Variants in VAX1 observed in about 807,000 individuals in gnomAD.
The protein encoded by VAX1 is ventral anterior homeobox 1.
VAX1 carries 6 observed loss-of-function variants against 17.6 expected under a neutral mutation model. The observed-to-expected ratio is 0.34, with a 90% confidence interval of 0.19 to 0.67. The LOEUF is 0.67. VAX1 is among the 30% of genes least tolerant of loss of function. VAX1 has a pLI of 0.69. For missense variants in VAX1, 408 were observed against 463.7 expected (o/e 0.88, Z 1.10); for synonymous variants, 256 against 227.4 (o/e 1.13, Z -1.13).
At position 117,137,325 on chromosome 10, in the gene VAX1, C is replaced by G. The variant is rs1854198322; in HGVS notation, c.241+491G>C. On this transcript the variant is annotated intron_variant, in intron 1 of 2. Transcript: ENST00000369206. This position sits in a 1 kb window ranked among gnomAD's most constrained non-coding sequence, Gnocchi z 7.4. ...TCTCCCGGCGGCAGCGGTCGGGCACCGATCGCGGCCGTGGGGTCCTCGGCC... is the reference window on the plus strand; with the variant it reads ...TCTCCCGGCGGCAGCGGTCGGGCACGGATCGCGGCCGTGGGGTCCTCGGCC... 6.6e-6 allele frequency among the ~76,000 whole-genome samples: 1 copy of G among 151,854 alleles called. No individual in the cohort carries two copies. Among genetic ancestry groups the G allele is most frequent in the Non-Finnish European group, 1.5e-5 (1 of 67,930 alleles).
chr10:117,134,091 C>T lies in VAX1; in HGVS notation c.922G>A (p.Ala308Thr), dbSNP rs1487773914. The change falls in exon 3 of 3, where the codon GCC becomes ACC. Residue 308 changes from alanine to threonine, a missense_variant. By Grantham distance (58) the Ala-to-Thr change is moderately conservative (BLOSUM62 0). This residue lies in a region of VAX1 where 196 missense variants were observed against 218.7 expected (regional missense o/e 0.90). Coordinates refer to ENST00000369206, the MANE Select transcript of VAX1 (RefSeq NM_001112704.2). This position sits in a 1 kb window ranked among gnomAD's most constrained non-coding sequence, Gnocchi z 6.2. ...SLAGNLQELSARYLSSSAFEP... is the reference protein window; with the variant it reads ...SLAGNLQELSTRYLSSSAFEP... The stretch of plus-strand genomic sequence containing the variant: ...AAGGCCGAGGAGCTCAGATATCGGG[C>T]GGAGAGTTCTTGCAAATTCCCAGCT... 6.5e-7 allele frequency: 1 copy of T among 1,536,284 alleles called. No individual in the cohort carries two copies. Among genetic ancestry groups the T allele is most frequent in the Non-Finnish European group, 8.8e-7 (1 of 1,140,536 alleles).
At position 117,138,062 on chromosome 10, in the gene VAX1, AG is replaced by A. The variant is rs1166685410; in HGVS notation, c.-7del. ...TTGTCTGGTTTCCCGAACATAGGCA[AG>A]AACAACAACAAAAACAGAAAGGAAA... On this transcript the variant is annotated 5_prime_UTR_variant, in exon 1 of 3. Transcript: ENST00000369206. 2 of 1,369,512 alleles carry A rather than the reference AG, an allele frequency of 1.5e-6. No individual in the cohort carries two copies. Among genetic ancestry groups the A allele is most frequent in the African/African-American group, 3.0e-5 (2 of 65,756 alleles). The allele number at this position is 1,369,512 out of a possible 1,614,324, so 84.8% of individuals were successfully genotyped here.
chr10:117,132,619 G>T, downstream of VAX1: 1 of 992,704 alleles, frequency 1.0e-6, no homozygotes, highest in Non-Finnish European at 1.5e-6. The surrounding 1 kb of genome is among the most constrained non-coding windows in gnomAD (Gnocchi z 4.9). Context: ...CTCGCAGTCT[G>T]GGTCTGTGAT....
chr10:117,132,605 G>A (rs761720635), downstream of VAX1: 13 of 1,067,972 alleles, frequency 1.2e-5, no homozygotes, highest in Non-Finnish European at 1.6e-5. The surrounding 1 kb of genome is among the most constrained non-coding windows in gnomAD (Gnocchi z 4.9). Context: ...AGACACTGCG[G>A]CACCTCGCAG....
Position 117,138,173 on chromosome 10 carries a change from G to A in VAX1, c.-117C>T. 3.5e-6 allele frequency: 4 copies of A among 1,134,278 alleles called. No homozygotes were observed. The highest frequency in any genetic ancestry group is 4.8e-6 in the Non-Finnish European group (4 of 824,828). The allele number at this position is 1,134,278 out of a possible 1,614,324, so 70.3% of individuals were successfully genotyped here. A position where few individuals can be genotyped will look rare whatever the true frequency, so the allele number is the denominator to read the frequency against. ...AGGGGACAAAACCCCCGACAACGCG[G>A]CCCGTACGCCCGGCCCGGCGACAGG... is the stretch of plus-strand genomic sequence containing the variant. On this transcript the variant is annotated 5_prime_UTR_variant, in exon 1 of 3. Coordinates refer to ENST00000369206, the MANE Select transcript of VAX1 (RefSeq NM_001112704.2).
Position 117,138,109 on chromosome 10 carries a change from A to AGGG in VAX1, c.-54_-53insCCC. On this transcript the variant is annotated 5_prime_UTR_variant, in exon 1 of 3. Coordinates refer to ENST00000369206, the MANE Select transcript of VAX1 (RefSeq NM_001112704.2). ...GGAAAAAAAAAGCAAAAAAAAAAAA[A>AGGG]AGGGGGGGGGGCGGAGAAGGAAAAA... 5.8e-6 allele frequency: 1 copy of AGGG among 171,026 alleles called. No homozygotes were observed. 10.6% of individuals were successfully genotyped at this position (171,026 alleles called of 1,614,324 possible).
At chr10:117,132,614 A>G (rs924121029), downstream of VAX1, 2 of 1,020,660 alleles carry the variant, frequency 2.0e-6, no homozygotes, top group African/African-American at 1.6e-5. This position sits in a 1 kb window ranked among gnomAD's most constrained non-coding sequence, Gnocchi z 4.9. Context: ...GGCACCTCGC[A>G]GTCTGGGTCT....
In VAX1 at chr10:117,137,878, C is replaced by T; in HGVS notation, c.179G>A (p.Cys60Tyr). The change falls in exon 1 of 3, where the codon TGT (cysteine) becomes TAT (tyrosine). Residue 60 changes from cysteine to tyrosine, a missense_variant. By Grantham distance (194) the Cys-to-Tyr change is radical (BLOSUM62 -2). Around this residue, in one of 4 missense-constraint regions of VAX1, gnomAD observed 133 missense variants for 112.0 expected, o/e 1.19. Coordinates refer to ENST00000369206, the MANE Select transcript of VAX1 (RefSeq NM_001112704.2). The surrounding 1 kb of genome is among the most constrained non-coding windows in gnomAD (Gnocchi z 7.4). ...TGCGGAATTGGATTTACTTTTGTTACAATCCTCAGCAGCGCCCGACGCTGA... is the reference window on the plus strand; with the variant it reads ...TGCGGAATTGGATTTACTTTTGTTATAATCCTCAGCAGCGCCCGACGCTGA... ...AFSASGAAEDCNKSKSNSAAD... is the reference protein window; with the variant it reads ...AFSASGAAEDYNKSKSNSAAD... 6.2e-7 allele frequency: 1 copy of T among 1,613,786 alleles called. No individual in the cohort carries two copies. The highest frequency in any genetic ancestry group is 8.5e-7 in the Non-Finnish European group (1 of 1,179,984).
chr10:117,132,337 C>T, downstream of VAX1: 2 of 1,612,146 alleles, frequency 1.2e-6, no homozygotes, highest in South Asian at 1.1e-5. The surrounding 1 kb of genome is among the most constrained non-coding windows in gnomAD (Gnocchi z 4.9). Context: ...CCTCATTTAT[C>T]ATCATAGATA....
chr10:117,136,349 C>A lies in VAX1; in HGVS notation c.429+123G>T. 1 of 1,203,254 alleles carries A rather than the reference C, an allele frequency of 8.3e-7. No individual in the cohort carries two copies. 74.5% of individuals were successfully genotyped at this position (1,203,254 alleles called of 1,614,324 possible). The stretch of plus-strand genomic sequence containing the variant: ...TTAGGCCTGTCTTACCCATCCTTCC[C>A]ATCTCCTCCACCTCCCAAGGGTAGT... On this transcript the variant is annotated intron_variant, in intron 2 of 2. Coordinates refer to ENST00000369206, the MANE Select transcript of VAX1 (RefSeq NM_001112704.2). The surrounding 1 kb of genome is among the most constrained non-coding windows in gnomAD (Gnocchi z 5.0).
rs1854227669 is a variant in VAX1, at chr10:117,138,251, G to A, written c.-195C>T. 5.8e-6 allele frequency: 4 copies of A among 690,350 alleles called. No individual in the cohort carries two copies. Among genetic ancestry groups the A allele is most frequent in the Non-Finnish European group, 9.4e-6 (4 of 423,336 alleles). The allele number at this position is 690,350 out of a possible 1,614,324, so 42.8% of individuals were successfully genotyped here. The stretch of plus-strand genomic sequence containing the variant: ...GGGAGGCTTCGGCGGCCGCGCGCGG[G>A]TCAGCGGCGACGGGAGAGTGGCGCG... On this transcript the variant is annotated 5_prime_UTR_variant, in exon 1 of 3. Coordinates refer to ENST00000369206, the MANE Select transcript of VAX1 (RefSeq NM_001112704.2).
downstream of VAX1, chr10:117,132,294 T>G (rs780309476): frequency 8.1e-6 from 13 of 1,614,128 alleles, no homozygotes; most frequent in Admixed American, 1.7e-5. The surrounding 1 kb of genome is among the most constrained non-coding windows in gnomAD (Gnocchi z 4.9). Context: ...CTTCTTTTGT[T>G]TTTTTATCCT....
chr10:117,128,875 A>C (rs1854049594), downstream of VAX1: 2 of 152,244 alleles, frequency 1.3e-5, no homozygotes, highest in Non-Finnish European at 2.9e-5. Flanking sequence ...GTAAGGGAGC[A>C]GCCTCTCCAG....
rs533847806 is a variant in VAX1, at chr10:117,137,619, G to A, written c.241+197C>T. On this transcript the variant is annotated intron_variant, in intron 1 of 2. Coordinates refer to ENST00000369206, the MANE Select transcript of VAX1 (RefSeq NM_001112704.2). The surrounding 1 kb of genome is among the most constrained non-coding windows in gnomAD (Gnocchi z 7.4). ...TCAGCGGGGCCCCTCCGGGCGTGGA[G>A]GGCCGAGGCCCCTGGAGAGCGCACC... Among the ~76,000 whole-genome samples, 1 of 152,324 alleles carries A rather than the reference G, an allele frequency of 6.6e-6. No homozygotes were observed. The highest frequency in any genetic ancestry group is 2.4e-5 in the African/African-American group (1 of 41,592).
Position 117,136,088 on chromosome 10 carries a change from G to T in VAX1, c.429+384C>A, listed in dbSNP as rs1386732056. On this transcript the variant is annotated intron_variant, in intron 2 of 2. Coordinates refer to ENST00000369206, the MANE Select transcript of VAX1 (RefSeq NM_001112704.2). This position sits in a 1 kb window ranked among gnomAD's most constrained non-coding sequence, Gnocchi z 5.0. The stretch of plus-strand genomic sequence containing the variant: ...GTACAGCTGGGTGGGCCCACAAGGG[G>T]TGGGGCCTAGAAATCTAGCCAAAAT... Among the ~76,000 whole-genome samples the T allele has an allele frequency of 6.6e-6, 1 of 152,254 alleles. No homozygotes were observed. The highest frequency in any genetic ancestry group is 1.5e-5 in the Non-Finnish European group (1 of 68,046).
rs1463405399 is a variant in VAX1, at chr10:117,134,660, G to C, written c.430-77C>G. ...GTCAAAGGAAGCGAGCTCCCGGGGCGCGCGGCTCCGGGGCTCTCCCCAAGT... is the reference window on the plus strand; with the variant it reads ...GTCAAAGGAAGCGAGCTCCCGGGGCCCGCGGCTCCGGGGCTCTCCCCAAGT... On this transcript the variant is annotated intron_variant, in intron 2 of 2. Coordinates refer to ENST00000369206, the MANE Select transcript of VAX1 (RefSeq NM_001112704.2). The surrounding 1 kb of genome is among the most constrained non-coding windows in gnomAD (Gnocchi z 6.2). 1 of 1,371,132 alleles carries C rather than the reference G, an allele frequency of 7.3e-7. No individual in the cohort carries two copies. The highest frequency in any genetic ancestry group is 9.6e-7 in the Non-Finnish European group (1 of 1,044,352). The allele number at this position is 1,371,132 out of a possible 1,614,324, so 84.9% of individuals were successfully genotyped here.
chr10:117,132,869 GA>G (rs1172043317), downstream of VAX1, among the ~76,000 whole-genome samples: 3 of 152,202 alleles, frequency 2.0e-5, no homozygotes, highest in East Asian at 5.8e-4. The surrounding 1 kb of genome is among the most constrained non-coding windows in gnomAD (Gnocchi z 4.9). Flanking sequence ...GAACTGCTCA[GA>G]AATCCAGACG....
chr10:117,133,243 TC>T (rs1156479247), downstream of VAX1: 4 of 982,296 alleles, frequency 4.1e-6, no homozygotes, highest in Middle Eastern at 5.2e-4. Flanking sequence ...TCTTACACCT[TC>T]CAAATTTCAT....
At position 117,134,376 on chromosome 10, in the gene VAX1, T is replaced by C; in HGVS notation, c.637A>G (p.Ser213Gly). ...GALGSALRGP[S>G]LPALGAGAAA... ...GCGCCCGCGCCCAGGGCCGGCAAGC[T>C]GGGCCCGCGCAGCGCTGAGCCGAGA... is the stretch of plus-strand genomic sequence containing the variant. The change falls in exon 3 of 3, where the codon AGC becomes GGC. Residue 213 changes from serine (S) to glycine (G), a missense_variant. By Grantham distance (56) the Ser-to-Gly change is moderately conservative. Transcript: ENST00000369206. This position sits in a 1 kb window ranked among gnomAD's most constrained non-coding sequence, Gnocchi z 6.2. The C allele has an allele frequency of 8.0e-7, 1 of 1,248,422 alleles. No individual in the cohort carries two copies. Among genetic ancestry groups the C allele is most frequent in the Non-Finnish European group, 1.0e-6 (1 of 996,864 alleles). The allele number at this position is 1,248,422 out of a possible 1,614,324, so 77.3% of individuals were successfully genotyped here.
Sources: allele counts gnomAD v4.1 joint callset (sites outside exome capture counted in the v4.1 genomes callset), GRCh38; gene constraint gnomAD v4.1.1; regional missense constraint gnomAD v4.1.1; non-coding constraint Gnocchi (gnomAD v3.1); transcripts MANE v1.5; gene names NCBI Gene and HGNC (gene_info 2026-07-23, HGNC 2026-07-21).